Variants in LINGO1 observed in about 807,000 individuals in gnomAD.
LINGO1 encodes the protein leucine-rich repeat and immunoglobulin-like domain-containing nogo receptor-interacting protein 1.
LINGO1 carries 11 observed loss-of-function variants against 37.3 expected under a neutral mutation model. The observed-to-expected ratio is 0.29, with a 90% CI of 0.19 to 0.49. The LOEUF (loss-of-function observed/expected upper bound fraction) is 0.49. Among genes scored for constraint, LINGO1 ranks in the 20% least tolerant of loss-of-function variants. The probability of loss-of-function intolerance (pLI) is 0.99; values close to 1 mark genes in which losing one functional copy is unlikely to be tolerated. For synonymous variants in LINGO1, 387 were observed against 403.0 expected (o/e 0.96, Z 0.48); for missense variants, 585 against 878.2 (o/e 0.67, Z 4.22).
At chr15:77,792,542 GC>G (rs530303306) in intron 2 of LINGO1, among the ~76,000 whole-genome samples, 69 of 152,306 alleles carry the variant, frequency 4.5e-4, no homozygotes, top group Non-Finnish European at 7.9e-4. Context: ...CTCTCCTCAG[GC>G]CTCTGCTGAA....
intron 1 of LINGO1, among the ~76,000 whole-genome samples, chr15:77,630,261 C>T (rs987836298): frequency 3.9e-5 from 6 of 152,140 alleles, no homozygotes; most frequent in African/African-American, 1.2e-4. Context: ...GCACGAATGA[C>T]TGCACTGCCT....
chr15:77,716,280 C>CTTTTTT (rs5813879), intron 2 of LINGO1, among the ~76,000 whole-genome samples: 13 of 119,264 alleles, frequency 1.1e-4, no homozygotes, highest in African/African-American at 3.1e-4. Flanking sequence ...TCTTCTTCTT[C>CTTTTTT]TTTTTTTTTT....
At chr15:77,773,063 G>A (rs535173307) in intron 1 of LINGO1, among the ~76,000 whole-genome samples, 4 of 152,200 alleles carry the variant, frequency 2.6e-5, no homozygotes, top group South Asian at 2.1e-4. Context: ...CCATGGCAAC[G>A]GAGAATAGGC....
intron 3 of LINGO1, chr15:77,647,905 G>A (rs1478450206): frequency 2.2e-6 from 1 of 456,636 alleles, no homozygotes; most frequent in South Asian, 1.5e-5. Context: ...TGGCTACGTT[G>A]CACATTCCCC....
chr15:77,696,838 C>A (rs982064088), upstream of LINGO1, among the ~76,000 whole-genome samples: 1 of 152,252 alleles, frequency 6.6e-6, no homozygotes, highest in African/African-American at 2.4e-5. Context: ...CGGGGCCTGC[C>A]CCAATTTGCA....
intron 1 of LINGO1, among the ~76,000 whole-genome samples, chr15:77,618,101 G>T (rs1200649341): frequency 6.6e-6 from 1 of 152,252 alleles, no homozygotes; most frequent in Admixed American, 6.5e-5. Flanking sequence ...GCTGGCGCGG[G>T]TGTGAGGCTG....
chr15:77,730,371 T>G (rs1188465086), intron 2 of LINGO1, among the ~76,000 whole-genome samples: 3 of 152,168 alleles, frequency 2.0e-5, no homozygotes, highest in Non-Finnish European at 4.4e-5. Flanking sequence ...AAGTAACATG[T>G]CTAAGACCAC....
At chr15:77,659,847 T>TGGGGG (rs1284015589) in intron 3 of LINGO1, among the ~76,000 whole-genome samples, 1 of 2,112 alleles carries the variant, frequency 4.7e-4, no homozygotes, top group African/African-American at 3.5e-3. Flanking sequence ...CGGGAGAGGC[T>TGGGGG]GGGGTGGGGT....
intron 1 of LINGO1, among the ~76,000 whole-genome samples, chr15:77,694,582 C>T (rs868444523): frequency 6.6e-6 from 1 of 152,174 alleles, no homozygotes; most frequent in South Asian, 2.1e-4. Context: ...TTGCCCTCTG[C>T]CCCAAAACTT....
In LINGO1 at chr15:77,810,345, T is replaced by C. The variant is rs941703536; in HGVS notation, c.-458+9913A>G. Among the ~76,000 whole-genome samples the C allele has an allele frequency of 5.6e-5, 7 of 125,330 alleles. No individual in the cohort carries two copies. The East Asian group carries it at 1.4e-3, about 25-fold the overall frequency. 82.2% of individuals were successfully genotyped at this position (125,330 alleles called of 152,430 possible). A position where few individuals can be genotyped will look rare whatever the true frequency, so the allele number is the denominator to read the frequency against. Reference sequence around the variant, plus strand: ...ACATACACATGCACACACACACACATGCACACACACACACACAGAGGAATC... The same window carrying C: ...ACATACACATGCACACACACACACACGCACACACACACACACAGAGGAATC... On this transcript the variant is annotated intron_variant, in intron 1 of 5. Transcript: ENST00000562933.
At position 77,615,881 on chromosome 15, in the gene LINGO1, G is replaced by C; in HGVS notation, c.26C>G (p.Ala9Gly). The C allele has an allele frequency of 6.8e-7, 1 of 1,471,130 alleles. No individual in the cohort carries two copies. The highest frequency in any genetic ancestry group is 9.0e-7 in the Non-Finnish European group (1 of 1,117,292). 91.1% of individuals were successfully genotyped at this position (1,471,130 alleles called of 1,614,324 possible). Residue 9 changes from alanine to glycine, a missense_variant, in exon 2 of 2, where the codon GCG (alanine) becomes GGG (glycine). Transcript: ENST00000355300. MQVSKRML[A>G]GGVRSMPSPL... is the part of the protein sequence containing the mutation. ...GCTGGGCATGCTCCTCACGCCCCCC[G>C]CCAGCATCCTCTTGCTCACCTGCAG...
chr15:77,684,312 CTCATT>C (rs1321580421), intron 2 of LINGO1, among the ~76,000 whole-genome samples: 1 of 152,146 alleles, frequency 6.6e-6, no homozygotes, highest in Admixed American at 6.5e-5. Context: ...TTATTATCAC[CTCATT>C]TAACAGATGG....
At chr15:77,647,860 G>T (rs1212609995) in intron 3 of LINGO1, 2 of 456,580 alleles carry the variant, frequency 4.4e-6, no homozygotes, top group East Asian at 1.4e-4. Flanking sequence ...GAAGGGAACA[G>T]CTGGGCTGCT....
chr15:77,747,735 C>T (rs928801167), intron 1 of LINGO1, among the ~76,000 whole-genome samples: 10 of 152,258 alleles, frequency 6.6e-5, no homozygotes, highest in South Asian at 2.1e-4. Flanking sequence ...AATCTCCCCA[C>T]GGCTGTCACC....
chr15:77,674,809 G>A (rs1045864400), intron 3 of LINGO1, among the ~76,000 whole-genome samples: 5 of 151,282 alleles, frequency 3.3e-5, no homozygotes, highest in Admixed American at 6.6e-5. Context: ...ACTCCCATAC[G>A]CATGCTGTAT....
chr15:77,749,210 C>T lies in LINGO1; in HGVS notation c.-256-14157G>A, dbSNP rs570524941. Among the ~76,000 whole-genome samples the T allele has an allele frequency of 1.3e-3, 196 of 152,142 alleles. 2 individuals are homozygous for T. The highest frequency in any genetic ancestry group is 4.5e-3 in the African/African-American group (188 of 41,504). ...GGGGTGAGCCACTGCGCCCGGCCCC[C>T]CAGCCCAATTTCTATGGGGTCCCTA... On this transcript the variant is annotated intron_variant, in intron 1 of 3. Coordinates refer to the LINGO1 transcript ENST00000561686.
upstream of LINGO1, among the ~76,000 whole-genome samples, chr15:77,634,089 C>T (rs993654809): frequency 1.3e-5 from 2 of 152,164 alleles, no homozygotes; most frequent in African/African-American, 4.8e-5. Context: ...GGGGATCTAG[C>T]CCAAAGCCTC....
At chr15:77,750,042 C>T (rs1432961079) in intron 1 of LINGO1, among the ~76,000 whole-genome samples, 8 of 152,098 alleles carry the variant, frequency 5.3e-5, no homozygotes, top group Non-Finnish European at 1.0e-4. Flanking sequence ...GTCTGCCTGA[C>T]TCAGGCTGGG....
chr15:77,815,999 C>A (rs1480148564), intron 1 of LINGO1, among the ~76,000 whole-genome samples: 1 of 152,168 alleles, frequency 6.6e-6, no homozygotes, highest in African/African-American at 2.4e-5. Flanking sequence ...TCCTAGAAAG[C>A]CCCCACTCAC....
Sources: allele counts gnomAD v4.1 joint callset (sites outside exome capture counted in the v4.1 genomes callset), GRCh38; gene constraint gnomAD v4.1.1; transcripts MANE v1.5; gene names NCBI Gene and HGNC (gene_info 2026-07-23, HGNC 2026-07-21).